CAPN3: variants seen among roughly 807,000 people sequenced by gnomAD.
The protein encoded by CAPN3 is calpain 3, also known as calpain-3.
CAPN3 carries 88 observed loss-of-function variants against 114.0 expected under a neutral mutation model. The observed-to-expected ratio is 0.77, with a 90% confidence interval of 0.65 to 0.92. CAPN3 has a LOEUF of 0.92. Ranked by LOEUF, CAPN3 falls within the 40% of genes least tolerant of loss-of-function variation. CAPN3 has a pLI of 0.00. For synonymous variants in CAPN3, 386 were observed against 382.9 expected, an observed-to-expected ratio of 1.01 and a Z score of -0.09; for missense variants, 1,028 against 1,069.0, an observed-to-expected ratio of 0.96 and a Z score of 0.53.
At chr15:42,410,825 A>G in intron 21 of CAPN3, 59 bp from the exon 22 acceptor site, 2 of 1,466,452 alleles carry the variant, frequency 1.4e-6, no homozygotes, top group Non-Finnish European at 1.9e-6. Flanking sequence ...CAGGGAAAAT[A>G]GAAGGCAGGC....
intron 8 of CAPN3, 83 bp downstream of exon 8, chr15:42,394,424 G>C: frequency 1.9e-6 from 2 of 1,059,428 alleles, no homozygotes; most frequent in Non-Finnish European, 2.9e-6. Context: ...AGCCATGAGA[G>C]TATTGAAGAT....
At chr15:42,411,164 C>T (rs2054213604) in intron 22 of CAPN3, 123 bp from the exon 23 acceptor site, 2 of 1,024,754 alleles carry the variant, frequency 2.0e-6, no homozygotes, top group Non-Finnish European at 3.1e-6. Context: ...TGGTGATTCT[C>T]TGCCTGCACA....
At chr15:42,386,463 C>T (rs1487579255) in intron 3 of CAPN3, among the ~76,000 whole-genome samples, 178 bp downstream of exon 3, 1 of 152,170 alleles carries the variant, frequency 6.6e-6, no homozygotes, top group Admixed American at 6.5e-5. Context: ...TTATCTCTGG[C>T]TCCCTAATCC....
chr15:42,386,640 T>C (rs1402308997), intron 3 of CAPN3, among the ~76,000 whole-genome samples: 2 of 152,188 alleles, frequency 1.3e-5, no homozygotes, highest in Non-Finnish European at 2.9e-5. Context: ...CTTCAGGTTG[T>C]ACAGGAACCC....
chr15:42,381,961 C>T (rs954030126), intron 1 of CAPN3, among the ~76,000 whole-genome samples: 2 of 152,058 alleles, frequency 1.3e-5, no homozygotes, highest in African/African-American at 2.4e-5. Context: ...AGGAAGAGCT[C>T]GTGGGAACAA....
Position 42,396,836 on chromosome 15 carries a change from G to A in CAPN3, c.1152G>A (p.Lys384=), listed in dbSNP as rs776494254. 1 of 1,614,074 alleles carries A rather than the reference G, an allele frequency of 6.2e-7. No individual in the cohort carries two copies. The part of the protein sequence containing the change: ...KDWSFVDKDE[K]ARLQHQVTED... ...GGAGCTTTGTGGACAAAGATGAGAA[G>A]GCCCGTCTGCAGCACCAGGTCACTG... is the stretch of plus-strand genomic sequence containing the variant. Residue 384 remains lysine (K), a synonymous_variant, in exon 9 of 24, where the codon AAG becomes AAA. Transcript: ENST00000397163.
Position 42,411,317 on chromosome 15 carries a change from A to G in CAPN3, c.2411A>G (p.Asp804Gly). 1.2e-6 allele frequency: 2 copies of G among 1,614,064 alleles called. No individual in the cohort carries two copies. Among genetic ancestry groups the G allele is most frequent in the African/African-American group, 2.7e-5 (2 of 74,998 alleles). The change falls in exon 23 of 24, where the codon GAT becomes GGT. Residue 804 changes from aspartate (D) to glycine (G), a missense_variant. Transcript: ENST00000397163. The part of the protein sequence containing the change: ...RAFHAFDKDG[D>G]GIIKLNVLEW... ...TTTCATGCATTTGACAAGGATGGAG[A>G]TGGTATCATCAAGCTCAACGTTCTG...
chr15:42,394,649 T>C (rs549154316), intron 8 of CAPN3, among the ~76,000 whole-genome samples: 24 of 152,110 alleles, frequency 1.6e-4, no homozygotes, highest in African/African-American at 5.8e-4. Context: ...AGAAGTGACT[T>C]CCCTTCTTGG....
At chr15:42,377,939 T>A (rs2053133379) in intron 1 of CAPN3, among the ~76,000 whole-genome samples, 1 of 152,230 alleles carries the variant, frequency 6.6e-6, no homozygotes, top group Non-Finnish European at 1.5e-5. Context: ...TGTTATCAAA[T>A]TTGTGAGCAT....
Position 42,385,064 on chromosome 15 carries a change from TTTGA to T in CAPN3, c.379+516_379+519del, listed in dbSNP as rs146510095. The stretch of plus-strand genomic sequence containing the variant: ...ATGTGGATGAGCATCCAATTTTCTC[TTTGA>T]TTGGTTAGCTTGACTGCTCCATCTG... On this transcript the variant is annotated intron_variant, in intron 2 of 23. Transcript: ENST00000397163. 6.5e-3 allele frequency among the ~76,000 whole-genome samples: 984 copies of T among 152,368 alleles called. 8 individuals are homozygous for T. The highest frequency in any genetic ancestry group is 0.023 in the African/African-American group (949 of 41,592).
chr15:42,410,321 T>C, intron 19 of CAPN3, 107 bp from the exon 20 acceptor site: 1 of 998,806 alleles, frequency 1.0e-6, no homozygotes, highest in Non-Finnish European at 1.6e-6. Flanking sequence ...GAGGGTTAAA[T>C]AGTACAACAG....
At chr15:42,380,368 C>CTTTTTTTTTTTTTTTTTT (rs776441239) in intron 1 of CAPN3, among the ~76,000 whole-genome samples, 3 of 46,108 alleles carry the variant, frequency 6.5e-5, no homozygotes, top group South Asian at 8.4e-4. Context: ...TCTTTTTTGT[C>CTTTTTTTTTTTTTTTTTT]TTTTTTTTTT....
chr15:42,401,474 C>CG (rs375008012), intron 10 of CAPN3, among the ~76,000 whole-genome samples, 167 bp from the exon 11 acceptor site: 1,255 of 18,716 alleles, frequency 0.067, 50 homozygotes, highest in African/African-American at 0.23. Flanking sequence ...AAAGGTAGCG[C>CG]CCCCCCCCCC....
At chr15:42,372,959 C>T (rs1002036659) in intron 1 of CAPN3, among the ~76,000 whole-genome samples, 3 of 152,216 alleles carry the variant, frequency 2.0e-5, no homozygotes, top group Non-Finnish European at 2.9e-5. Flanking sequence ...GAGGCTGAAA[C>T]GGGCAGATCA....
At chr15:42,402,283 A>G in intron 12 of CAPN3, 148 bp downstream of exon 12, 1 of 1,591,344 alleles carries the variant, frequency 6.3e-7, no homozygotes, top group Non-Finnish European at 8.5e-7. Flanking sequence ...TCCACTGCAG[A>G]GCAGGTGCCT....
chr15:42,390,799 T>G (rs1346324877), intron 6 of CAPN3, among the ~76,000 whole-genome samples: 2 of 150,696 alleles, frequency 1.3e-5, no homozygotes, highest in Non-Finnish European at 3.0e-5. Context: ...TGTTTTTTTT[T>G]TTTTTTTTGG....
rs748363488 is a variant in CAPN3 at position 42,410,449 on chromosome 15, A to G, written c.2137A>G (p.Asn713Asp). ...CCAGACAGATGGCTCTGGAAAGCTC[A>G]ACCTGCAGGAGTTCCACCACCTCTG... ...LMDTDGSGKL[N>D]LQEFHHLWNK... The change falls in exon 20 of 24, where the codon AAC (asparagine) becomes GAC (aspartate). Residue 713 changes from asparagine (N) to aspartate (D), a missense_variant. Physicochemically the swap from Asn to Asp is conservative, Grantham distance 23. Coordinates refer to ENST00000397163, the MANE Select transcript of CAPN3 (RefSeq NM_000070.3). The G allele has an allele frequency of 2.2e-5, 36 of 1,614,004 alleles. No homozygotes were observed. In the Admixed American group the frequency reaches 2.3e-4, roughly 10 times the overall value.
At position 42,401,775 on chromosome 15, in the gene CAPN3, G is replaced by C. The variant is rs764770392; in HGVS notation, c.1489G>C (p.Ala497Pro). ...KNRRKDRKLG[A>P]SLFTIGFAIY... ...CCGGCGGAAGGACCGGAAGCTAGGGGCCAGTCTCTTCACCATTGGCTTCGC... is the reference window on the plus strand; with the variant it reads ...CCGGCGGAAGGACCGGAAGCTAGGGCCCAGTCTCTTCACCATTGGCTTCGC... Residue 497 changes from alanine (A) to proline (P), a missense_variant, in exon 11 of 24, where the codon GCC (alanine) becomes CCC (proline). By Grantham distance (27) the Ala-to-Pro change is conservative. Coordinates refer to ENST00000397163, the MANE Select transcript of CAPN3 (RefSeq NM_000070.3). The C allele has an allele frequency of 6.2e-7, 1 of 1,613,940 alleles. No homozygotes were observed. Among genetic ancestry groups the C allele is most frequent in the Non-Finnish European group, 8.5e-7 (1 of 1,179,982 alleles).
chr15:42,371,067 G>T (rs2052933247), intron 1 of CAPN3, among the ~76,000 whole-genome samples: 1 of 152,132 alleles, frequency 6.6e-6, no homozygotes, highest in Non-Finnish European at 1.5e-5. Flanking sequence ...AGGATTAAAT[G>T]AGATTCTATA....
Sources: allele counts gnomAD v4.1 joint callset (sites outside exome capture counted in the v4.1 genomes callset), GRCh38; gene constraint gnomAD v4.1.1; transcripts MANE v1.5; gene names NCBI Gene and HGNC (gene_info 2026-07-23, HGNC 2026-07-21).